Variants in PASD1 observed in about 807,000 individuals in gnomAD.
The protein encoded by PASD1 is PAS domain containing repressor 1.
A neutral mutation model predicts 58.8 loss-of-function variants in PASD1; 13 were observed. The ratio of observed to expected loss-of-function variants is 0.22; its 90% CI spans 0.14 to 0.35. The LOEUF is 0.35. PASD1 is among the 10% of genes least tolerant of loss of function. PASD1 has a pLI of 1.00. For missense variants in PASD1, 734 were observed against 568.3 expected (o/e 1.29, Z -2.96); for synonymous variants, 236 against 216.7 (o/e 1.09, Z -0.78).
intron 7 of PASD1, 30 bp from the exon 8 acceptor site, chrX:151,625,418 A>G: frequency 9.0e-7 from 1 of 1,114,171 alleles, no homozygotes; most frequent in Non-Finnish European, 1.2e-6. Flanking sequence ...TATACATATT[A>G]AATGTCTAAA....
rs781458739 is a variant in PASD1, at chrX:151,591,497, G to GA, written c.-27-10025dup. Among the ~76,000 whole-genome samples the GA allele has an allele frequency of 4.5e-5, 5 of 111,740 alleles. No homozygotes were observed. The East Asian group carries it at 1.1e-3, about 25-fold the overall frequency. ...TTTAGATTATTTCCCATTGATTTTG[G>GA]AAAAATGTACTTATGTAAACAGCTA... is the stretch of plus-strand genomic sequence containing the variant. On this transcript the variant is annotated intron_variant, in intron 1 of 15. Coordinates refer to ENST00000370357, the MANE Select transcript of PASD1 (RefSeq NM_173493.3).
chrX:151,600,486 A>G (rs2013401467), intron 1 of PASD1, among the ~76,000 whole-genome samples: 1 of 111,197 alleles, frequency 9.0e-6, no homozygotes, highest in African/African-American at 3.3e-5. Context: ...AGGTTGATTC[A>G]GTATGGTGGT....
chrX:151,599,127 A>G (rs1344441951), intron 1 of PASD1, among the ~76,000 whole-genome samples: 1 of 112,002 alleles, frequency 8.9e-6, no homozygotes, highest in South Asian at 3.7e-4. Context: ...TTCAGAGAGC[A>G]TGGGGTTGGG....
chrX:151,600,008 A>T (rs2013389545), intron 1 of PASD1, among the ~76,000 whole-genome samples: 1 of 112,282 alleles, frequency 8.9e-6, no homozygotes, highest in Non-Finnish European at 1.9e-5. Flanking sequence ...TCTGTTTGCA[A>T]TCCCGGCACC....
In PASD1 at chrX:151,672,380, G is replaced by C; in HGVS notation, c.1635G>C (p.Glu545Asp). The C allele has an allele frequency of 8.3e-7, 1 of 1,206,780 alleles. No homozygotes were observed. Among genetic ancestry groups the C allele is most frequent in the Non-Finnish European group, 1.1e-6 (1 of 892,752 alleles). ...GGCAAAAGAAGAAGAAGCTACAGGAGCGGAAGAAGTGGCAGGGGCAGATGC... is the reference window on the plus strand; with the variant it reads ...GGCAAAAGAAGAAGAAGCTACAGGACCGGAAGAAGTGGCAGGGGCAGATGC... The part of the protein sequence containing the change: ...QRRQKKKKLQ[E>D]RKKWQGQMLQ... Residue 545 changes from glutamate (E) to aspartate (D), a missense_variant, in exon 14 of 16, where the codon GAG becomes GAC. Glu to Asp is a conservative substitution (Grantham distance 45). Coordinates refer to ENST00000370357, the MANE Select transcript of PASD1 (RefSeq NM_173493.3).
intron 1 of PASD1, among the ~76,000 whole-genome samples, chrX:151,572,346 T>C (rs1370660290): frequency 1.8e-5 from 2 of 111,550 alleles, no homozygotes; most frequent in Non-Finnish European, 3.8e-5. Context: ...GCATGAATGA[T>C]GAATAAATAA....
intron 4 of PASD1, 103 bp from the exon 5 acceptor site, chrX:151,620,827 A>G (rs895980023): frequency 4.3e-6 from 2 of 469,882 alleles, no homozygotes; most frequent in East Asian, 7.5e-5. Context: ...CACTGGAGGT[A>G]AGGAGATAGA....
chrX:151,623,187 G>A lies in PASD1; in HGVS notation c.546+123G>A, dbSNP rs536627403. ...CTAAATTACTCAGTGTGTGCAGAGG[G>A]TTGTGCTGGGATATGTAAATAAGGA... On this transcript the variant is annotated intron_variant, in intron 7 of 15. Coordinates refer to ENST00000370357, the MANE Select transcript of PASD1 (RefSeq NM_173493.3). The A allele has an allele frequency of 1.9e-5, 15 of 796,092 alleles. No homozygotes were observed. The South Asian group carries it at 5.5e-4, about 29-fold the overall frequency. The allele number at this position is 796,092 out of a possible 1,213,427, so 65.6% of individuals were successfully genotyped here.
chrX:151,577,016 G>A (rs1414453075), intron 1 of PASD1, among the ~76,000 whole-genome samples: 2 of 111,638 alleles, frequency 1.8e-5, no homozygotes, highest in East Asian at 5.6e-4. Context: ...CGTCAATTCT[G>A]TAAATATATT....
At chrX:151,581,640 C>T (rs1471895927) in intron 1 of PASD1, among the ~76,000 whole-genome samples, 1 of 111,224 alleles carries the variant, frequency 9.0e-6, no homozygotes, top group Non-Finnish European at 1.9e-5. Flanking sequence ...TATAGATGAA[C>T]TATCAGTTAC....
chrX:151,611,895 G>A, intron 4 of PASD1, 142 bp downstream of exon 4: 1 of 404,238 alleles, frequency 2.5e-6, no homozygotes, highest in South Asian at 3.9e-5. Context: ...GGATACATGT[G>A]CCATGTTGGT....
chrX:151,574,114 G>A (rs1204254653), intron 1 of PASD1, among the ~76,000 whole-genome samples: 1 of 112,320 alleles, frequency 8.9e-6, no homozygotes. Flanking sequence ...GACAAACCTT[G>A]TGAGGGGATC....
Position 151,659,852 on chromosome X carries a change from C to A in PASD1, c.841+16C>A. The A allele has an allele frequency of 1.7e-6, 2 of 1,196,261 alleles. No individual in the cohort carries two copies. The highest frequency in any genetic ancestry group is 2.3e-6 in the Non-Finnish European group (2 of 885,710). On this transcript the variant is annotated intron_variant, in intron 10 of 15. Transcript: ENST00000370357. Reference sequence around the variant, plus strand: ...GAATCTCCAGGTAGGTACATTTATGCATTTGGATAGGGACTATTAGAAGAA... The same window carrying A: ...GAATCTCCAGGTAGGTACATTTATGAATTTGGATAGGGACTATTAGAAGAA...
rs571557616 is a variant in PASD1 at position 151,604,366 on chromosome X, A to C, written c.29-280A>C. Among the ~76,000 whole-genome samples, 3 of 111,690 alleles carry C rather than the reference A, an allele frequency of 2.7e-5. No homozygotes were observed. In the South Asian group the frequency reaches 1.1e-3, roughly 42 times the overall value. Reference sequence around the variant, plus strand: ...TGGTAGAATTCAAGAGGAAAAAAAGAACTAGAAGTTGAAAAATCATAAAAT... The same window carrying C: ...TGGTAGAATTCAAGAGGAAAAAAAGCACTAGAAGTTGAAAAATCATAAAAT... On this transcript the variant is annotated intron_variant, in intron 2 of 15. Transcript: ENST00000370357.
At chrX:151,585,696 A>C (rs2013154132) in intron 1 of PASD1, among the ~76,000 whole-genome samples, 1 of 111,491 alleles carries the variant, frequency 9.0e-6, no homozygotes, top group African/African-American at 3.3e-5. Context: ...GATGTTATGA[A>C]AATTGACTTG....
At chrX:151,571,080 G>A (rs1315367825) in intron 1 of PASD1, among the ~76,000 whole-genome samples, 2 of 111,752 alleles carry the variant, frequency 1.8e-5, no homozygotes, top group African/African-American at 6.5e-5. Context: ...CAAGGCTGGG[G>A]GATCACCCAG....
chrX:151,647,964 G>A (rs868502384), intron 8 of PASD1, among the ~76,000 whole-genome samples: 4 of 110,991 alleles, frequency 3.6e-5, no homozygotes, highest in African/African-American at 1.3e-4. Context: ...CTCATTTTGT[G>A]GAGTAATAGG....
chrX:151,659,799 C>T lies in PASD1; in HGVS notation c.804C>T (p.Ser268=), dbSNP rs2014288266. Residue 268 remains serine, a synonymous_variant, in exon 10 of 16, where the codon TCC becomes TCT. Transcript: ENST00000370357. ...MFVDSDSTYC[S]STVFLDTMPE... ...TAGATTCTGATTCAACTTATTGCTC[C>T]AGTACAGTTTTCCTGGATACTATGC... The T allele has an allele frequency of 5.0e-6, 6 of 1,204,920 alleles. No homozygotes were observed. In the Admixed American group the frequency reaches 1.1e-4, roughly 22 times the overall value.
intron 10 of PASD1, among the ~76,000 whole-genome samples, chrX:151,660,934 A>G (rs1255035413): frequency 8.9e-6 from 1 of 112,046 alleles, no homozygotes; most frequent in Non-Finnish European, 1.9e-5. Flanking sequence ...TGGGCGGATC[A>G]TGAGGTCAGG....
Sources: allele counts gnomAD v4.1 joint callset (sites outside exome capture counted in the v4.1 genomes callset), GRCh38; gene constraint gnomAD v4.1.1; transcripts MANE v1.5; gene names NCBI Gene and HGNC (gene_info 2026-07-23, HGNC 2026-07-21).